TRANK1: variants seen among roughly 807,000 people sequenced by gnomAD.
TRANK1 encodes the protein TPR and ankyrin repeat-containing protein 1.
In TRANK1, 198 loss-of-function variants were observed where a neutral mutation model predicts 266.0. That is an observed-to-expected ratio of 0.74 (90% CI 0.66 to 0.84). The LOEUF is 0.84. Among genes scored for constraint, TRANK1 ranks in the 40% least tolerant of loss-of-function variants. TRANK1 has a pLI of 0.00. For synonymous variants in TRANK1, 1,396 were observed against 1,384.1 expected (o/e 1.01, Z -0.19); for missense variants, 3,326 against 3,634.6 (o/e 0.92, Z 2.18).
intron 8 of TRANK1, among the ~76,000 whole-genome samples, chr3:36,886,509 C>G (rs1443862382): frequency 1.3e-5 from 2 of 152,162 alleles, no homozygotes; most frequent in Admixed American, 1.3e-4. Flanking sequence ...AAGCCACATA[C>G]AGTTTAGAGT....
chr3:36,896,682 G>A (rs2079795216), intron 4 of TRANK1, among the ~76,000 whole-genome samples: 1 of 152,156 alleles, frequency 6.6e-6, no homozygotes, highest in East Asian at 1.9e-4. Context: ...CCTGGCTTCT[G>A]ACAGAACAGT....
At chr3:36,907,688 T>G (rs2079992654) in intron 2 of TRANK1, among the ~76,000 whole-genome samples, 1 of 151,484 alleles carries the variant, frequency 6.6e-6, no homozygotes, top group Admixed American at 6.6e-5. Context: ...ATGGTCTCGA[T>G]CTCCTGACCT....
chr3:36,829,741 C>G (rs1559410470), intron 22 of TRANK1, 79 bp from the exon 23 acceptor site: 3 of 1,440,856 alleles, frequency 2.1e-6, no homozygotes, highest in Non-Finnish European at 2.9e-6. Context: ...ACCCAGAGTC[C>G]CCACATCCCA....
rs368437638 is a variant in TRANK1, at chr3:36,842,697, G to A, written c.5205C>T (p.Ser1735=). 14 of 1,613,662 alleles carry A rather than the reference G, an allele frequency of 8.7e-6. No individual in the cohort carries two copies. The highest frequency in any genetic ancestry group is 2.7e-5 in the African/African-American group (2 of 74,918). Residue 1735 remains serine, a synonymous_variant, in exon 18 of 24, where the codon AGC becomes AGT. Transcript: ENST00000645898. ...CAGGAGTTGAGGTCTTAACGAACATGCTATCATCAAAGTCTAAAATGAGAA... is the reference window on the plus strand; with the variant it reads ...CAGGAGTTGAGGTCTTAACGAACATACTATCATCAAAGTCTAAAATGAGAA... The part of the protein sequence containing the change: ...KTDENKDFDD[S]MFVKTSTPAE...
intron 17 of TRANK1, among the ~76,000 whole-genome samples, chr3:36,843,087 T>C (rs2078869845): frequency 6.6e-6 from 1 of 152,218 alleles, no homozygotes; most frequent in Admixed American, 6.5e-5. Flanking sequence ...CTTGGACTTC[T>C]AGCCTTCAGA....
intron 1 of TRANK1, among the ~76,000 whole-genome samples, chr3:36,910,558 G>T (rs986647920): frequency 1.3e-5 from 2 of 151,826 alleles, no homozygotes; most frequent in African/African-American, 4.8e-5. Flanking sequence ...TGGCCAACAT[G>T]ATGAAACGCC....
chr3:36,890,035 A>C, intron 7 of TRANK1, 75 bp from the exon 8 acceptor site: 1 of 1,499,972 alleles, frequency 6.7e-7, no homozygotes, highest in Non-Finnish European at 8.9e-7. Flanking sequence ...TGCAGAAGCA[A>C]TAGATTAAAA....
At chr3:36,943,831 A>C (rs998892516) in intron 1 of TRANK1, among the ~76,000 whole-genome samples, 1 of 152,122 alleles carries the variant, frequency 6.6e-6, no homozygotes, top group Non-Finnish European at 1.5e-5. Context: ...GGGTTGGAGC[A>C]GATAGGGGAA....
chr3:36,873,626 G>T (rs2079341433), intron 9 of TRANK1, among the ~76,000 whole-genome samples: 1 of 152,054 alleles, frequency 6.6e-6, no homozygotes, highest in Non-Finnish European at 1.5e-5. Context: ...GAATATAAAT[G>T]ATACACGTAG....
chr3:36,855,776 C>G lies in TRANK1; in HGVS notation c.3946G>C (p.Asp1316His), dbSNP rs747457546. ...TCAAACGTCACGTACACCCGGGGGT[C>G]ACTGTCACCCGTACGCATTTCTACA... ...KAVEMRTGDS[D>H]PRVYVTFEVF... is the part of the protein sequence containing the mutation. Residue 1316 changes from aspartate to histidine, a missense_variant, in exon 13 of 24, where the codon GAC becomes CAC. Transcript: ENST00000645898. The G allele has an allele frequency of 1.9e-6, 3 of 1,613,736 alleles. No homozygotes were observed. Among genetic ancestry groups the G allele is most frequent in the Non-Finnish European group, 2.5e-6 (3 of 1,179,846 alleles).
Position 36,831,620 on chromosome 3 carries a change from T to G in TRANK1, c.7963A>C (p.Thr2655Pro). Reference protein sequence around the residue: ...DCDWRWDPVHTKGSIVRGLYY... With the variant: ...DCDWRWDPVHPKGSIVRGLYY... ...AGGCCACGGACTATGGACCCTTTGG[T>G]GTGCACAGGGTCCCACCGCCAGTCA... Residue 2655 changes from threonine to proline, a missense_variant, in exon 22 of 24, where the codon ACC becomes CCC. By Grantham distance (38) the Thr-to-Pro change is conservative (BLOSUM62 -1). Transcript: ENST00000645898. The surrounding 1 kb of genome is among the most constrained non-coding windows in gnomAD (Gnocchi z 5.0). The G allele has an allele frequency of 2.5e-6, 4 of 1,613,862 alleles. No homozygotes were observed. The highest frequency in any genetic ancestry group is 2.5e-6 in the Non-Finnish European group (3 of 1,179,822).
In TRANK1 at chr3:36,903,278, G is replaced by GT. The variant is rs1559464399; in HGVS notation, c.156-4dup. On this transcript the variant is annotated splice_region_variant and splice_polypyrimidine_tract_variant and intron_variant, in intron 2 of 23. Transcript: ENST00000645898. ...CAGCCAAGTCCCTCGGGGGAACCCT[G>GT]TAAGAACAAACCGGTGGTCTGTCAT... 2.6e-6 allele frequency: 4 copies of GT among 1,536,900 alleles called. No individual in the cohort carries two copies. In the South Asian group the frequency reaches 3.6e-5, roughly 14 times the overall value.
At chr3:36,919,302 T>C (rs1340475700) in intron 1 of TRANK1, among the ~76,000 whole-genome samples, 1 of 152,248 alleles carries the variant, frequency 6.6e-6, no homozygotes, top group Non-Finnish European at 1.5e-5. Context: ...CTCTTGTCCA[T>C]TCCTAGTCTA....
rs1056730709 is a variant in TRANK1 at position 36,944,975 on chromosome 3, G to C, written c.-166C>G. The C allele has an allele frequency of 3.3e-6, 2 of 599,312 alleles. No individual in the cohort carries two copies. Among genetic ancestry groups the C allele is most frequent in the East Asian group, 3.5e-5 (1 of 28,180 alleles). The allele number at this position is 599,312 out of a possible 1,614,324, so 37.1% of individuals were successfully genotyped here. ...GGGGGCCCCCAGCTGCCTGCGGCTC[G>C]GCTACCCAGCCGCGATCAGAGGGGG... On this transcript the variant is annotated 5_prime_UTR_variant, in exon 1 of 24. Transcript: ENST00000645898.
rs763678065 is a variant in TRANK1, at chr3:36,857,386, C to T, written c.2336G>A (p.Gly779Glu). The T allele has an allele frequency of 2.7e-5, 44 of 1,611,516 alleles. 1 individual carries two copies. Among genetic ancestry groups the T allele is most frequent in the South Asian group, 2.5e-4 (23 of 90,650 alleles). ...CCCCACCTCACTACAGTCAGGGGCC[C>T]CTGCACCCAGAGTCGGCTTGTCATC... The part of the protein sequence containing the change: ...KKDDKPTLGA[G>E]APDCSEVGEG... The change falls in exon 13 of 24, where the codon GGG (glycine) becomes GAG (glutamate). Residue 779 changes from glycine to glutamate, a missense_variant. Coordinates refer to ENST00000645898, the MANE Select transcript of TRANK1 (RefSeq NM_001329998.2). The surrounding 1 kb of genome is among the most constrained non-coding windows in gnomAD (Gnocchi z 4.3).
At chr3:36,840,648 G>A (rs530906125) in intron 18 of TRANK1, among the ~76,000 whole-genome samples, 2 of 152,338 alleles carry the variant, frequency 1.3e-5, no homozygotes, top group African/African-American at 2.4e-5. Context: ...TTCTGTTCAC[G>A]TTCTTTGAAC....
In TRANK1 at chr3:36,833,074, T is replaced by G; in HGVS notation, c.6509A>C (p.Lys2170Thr). 6.2e-7 allele frequency: 1 copy of G among 1,612,966 alleles called. No homozygotes were observed. Among genetic ancestry groups the G allele is most frequent in the Non-Finnish European group, 8.5e-7 (1 of 1,179,396 alleles). Residue 2170 changes from lysine (K) to threonine (T), a missense_variant, in exon 22 of 24, where the codon AAA (lysine) becomes ACA (threonine). Coordinates refer to ENST00000645898, the MANE Select transcript of TRANK1 (RefSeq NM_001329998.2). The part of the protein sequence containing the change: ...MTDQVKLALN[K>T]HLLGRLCQIT... ...CTGACACAGCCTGCCCAAAAGGTGT[T>G]TGTTTAGGGCTAATTTCACTTGGTC...
At chr3:36,925,303 A>G (rs1385813788) in intron 1 of TRANK1, among the ~76,000 whole-genome samples, 2 of 152,194 alleles carry the variant, frequency 1.3e-5, no homozygotes, top group African/African-American at 4.8e-5. Flanking sequence ...GGCAAACTAC[A>G]ATAAGAAAAA....
rs184111196 is a variant in TRANK1, at chr3:36,929,375, C to G, written c.23+15412G>C. 331 of 152,234 alleles carry G rather than the reference C, an allele frequency of 2.2e-3. 2 individuals are homozygous for G. Among genetic ancestry groups the G allele is most frequent in the African/African-American group, 7.7e-3 (321 of 41,524 alleles). 9.4% of individuals were successfully genotyped at this position (152,234 alleles called of 1,614,324 possible). On this transcript the variant is annotated intron_variant, in intron 1 of 23. Coordinates refer to ENST00000645898, the MANE Select transcript of TRANK1 (RefSeq NM_001329998.2). Reference sequence around the variant, plus strand: ...AAGCAATCCACCTGCCTCGGCCTCCCAAAGTGCTGAGATTACAGGCGTGAG... The same window carrying G: ...AAGCAATCCACCTGCCTCGGCCTCCGAAAGTGCTGAGATTACAGGCGTGAG...
Sources: gnomAD v4.1 joint callset for allele counts (sites outside exome capture counted in the v4.1 genomes callset) on GRCh38, gnomAD v4.1.1 for gene constraint, Gnocchi (gnomAD v3.1) non-coding constraint, MANE v1.5 for transcripts, NCBI Gene and HGNC (gene_info 2026-07-23, HGNC 2026-07-21) for gene names.